Variants in RPGRIP1 observed in about 807,000 individuals in gnomAD.
RPGRIP1 encodes X-linked retinitis pigmentosa GTPase regulator-interacting protein 1.
A neutral mutation model predicts 157.9 loss-of-function variants in RPGRIP1; 128 were observed. The observed-to-expected ratio is 0.81, with a 90% CI of 0.70 to 0.94. The LOEUF is 0.94. Among genes scored for constraint, RPGRIP1 ranks in the 40% least tolerant of loss-of-function variants. The probability of loss-of-function intolerance (pLI) is 0.00; values close to 1 mark genes in which losing one functional copy is unlikely to be tolerated. For missense variants in RPGRIP1, 1,486 were observed against 1,545.8 expected, an observed-to-expected ratio of 0.96 and a Z score of 0.65; for synonymous variants, 554 against 571.6, an observed-to-expected ratio of 0.97 and a Z score of 0.44.
intron 20 of RPGRIP1, among the ~76,000 whole-genome samples, chr14:21,330,677 GA>G (rs1459765431): frequency 6.6e-6 from 1 of 151,742 alleles, no homozygotes; most frequent in South Asian, 2.1e-4. Flanking sequence ...TCAAAAAAAA[GA>G]AAAAAATATA....
At chr14:21,328,190 A>G (rs1205046759) in intron 18 of RPGRIP1, among the ~76,000 whole-genome samples, 1 of 151,946 alleles carries the variant, frequency 6.6e-6, no homozygotes, top group African/African-American at 2.4e-5. Context: ...AGAAAAAGAA[A>G]TTCCCTCTGT....
Position 21,325,300 on chromosome 14 carries a change from C to T in RPGRIP1, c.2284C>T (p.Leu762=), listed in dbSNP as rs145896974. 2.8e-3 allele frequency: 4,595 copies of T among 1,612,554 alleles called. 19 individuals carry two copies. Among genetic ancestry groups the T allele is most frequent in the Middle Eastern group, 9.6e-3 (58 of 6,062 alleles). Residue 762 remains leucine (L), a synonymous_variant, in exon 16 of 25, where the codon CTA becomes TTA. Coordinates refer to ENST00000400017, the MANE Select transcript of RPGRIP1 (RefSeq NM_020366.4). ...GCTGCGTTTCCCCATAAAACCCAGC[C>T]TACAGGCGTGCAATAAACGAAAGAA... The part of the protein sequence containing the change: ...MRLRFPIKPS[L]QACNKRKKAQ...
At chr14:21,313,155 T>C (rs1594185486) in intron 10 of RPGRIP1, among the ~76,000 whole-genome samples, 1 of 151,276 alleles carries the variant, frequency 6.6e-6, no homozygotes, top group Non-Finnish European at 1.5e-5. Context: ...TTTGGGGGGC[T>C]GGGGGGAATC....
Position 21,302,708 on chromosome 14 carries a change from C to T in RPGRIP1, c.587+124C>T, listed in dbSNP as rs1594174847. ...CAGCATGATCAGGGAAGATGAAAGT[C>T]GACCCTAGGTCAAATTCCAACTTCA... On this transcript the variant is annotated intron_variant, in intron 5 of 24. Transcript: ENST00000400017. 8.6e-5 allele frequency: 47 copies of T among 548,554 alleles called. No homozygotes were observed. The East Asian group carries it at 1.4e-3, about 17-fold the overall frequency. 34.0% of individuals were successfully genotyped at this position (548,554 alleles called of 1,614,324 possible). A position where few individuals can be genotyped will look rare whatever the true frequency, so the allele number is the denominator to read the frequency against.
intron 1 of RPGRIP1, among the ~76,000 whole-genome samples, chr14:21,282,479 G>A (rs1880166054): frequency 6.6e-6 from 1 of 151,932 alleles, no homozygotes. Flanking sequence ...CTCATGATCA[G>A]CCCGCCTCAG....
intron 1 of RPGRIP1, among the ~76,000 whole-genome samples, chr14:21,283,804 C>T (rs1169384902): frequency 6.6e-6 from 1 of 151,890 alleles, no homozygotes; most frequent in Non-Finnish European, 1.5e-5. Flanking sequence ...TTACAGGCGC[C>T]TGTCACCATG....
chr14:21,311,535 G>A (rs989031986), intron 8 of RPGRIP1, among the ~76,000 whole-genome samples: 5 of 143,544 alleles, frequency 3.5e-5, no homozygotes, highest in East Asian at 2.1e-4. Flanking sequence ...GCAACAGAGC[G>A]AGACTGTCTC....
intron 2 of RPGRIP1, among the ~76,000 whole-genome samples, chr14:21,289,853 G>A (rs990565689): frequency 1.4e-5 from 2 of 144,312 alleles, no homozygotes; most frequent in African/African-American, 5.2e-5. Context: ...TTACCAGAAT[G>A]TTCATAGCAG....
chr14:21,297,841 C>CTTTA (rs1880852863), intron 3 of RPGRIP1, among the ~76,000 whole-genome samples: 1 of 145,720 alleles, frequency 6.9e-6, no homozygotes, highest in Admixed American at 7.0e-5. Flanking sequence ...ATTATTCTTT[C>CTTTA]TTTCTTTCTT....
chr14:21,283,030 T>C (rs142284570), intron 1 of RPGRIP1, among the ~76,000 whole-genome samples: 35 of 152,328 alleles, frequency 2.3e-4, no homozygotes, highest in African/African-American at 8.4e-4. Context: ...ATTTCATTCT[T>C]AGAGCTTCTG....
At chr14:21,333,378 T>G (rs893382398) in intron 20 of RPGRIP1, among the ~76,000 whole-genome samples, 1 of 152,210 alleles carries the variant, frequency 6.6e-6, no homozygotes, top group East Asian at 1.9e-4. Context: ...ACCTTTTCCC[T>G]TTGAGACCTC....
At chr14:21,310,696 C>A in intron 8 of RPGRIP1, 89 bp downstream of exon 8, 1 of 728,838 alleles carries the variant, frequency 1.4e-6, no homozygotes, top group Non-Finnish European at 2.3e-6. Context: ...TAACATAACA[C>A]CAGAATTTAG....
chr14:21,303,968 A>T (rs189231375), intron 6 of RPGRIP1, among the ~76,000 whole-genome samples: 225 of 149,334 alleles, frequency 1.5e-3, no homozygotes, highest in African/African-American at 5.5e-3. Context: ...AGCCTGGGCA[A>T]CAAGAACAAA....
chr14:21,329,582 A>G (rs534175597), intron 19 of RPGRIP1, among the ~76,000 whole-genome samples: 3 of 146,768 alleles, frequency 2.0e-5, no homozygotes, highest in Non-Finnish European at 4.5e-5. Flanking sequence ...GCTCACTGCA[A>G]CCTCCGCCTC....
Position 21,339,412 on chromosome 14 carries a change from C to T in RPGRIP1, c.3340-3624C>T, listed in dbSNP as rs183845866. Among the ~76,000 whole-genome samples, 390 of 152,230 alleles carry T rather than the reference C, an allele frequency of 2.6e-3. 1 individual carries two copies. The highest frequency in any genetic ancestry group is 8.8e-3 in the African/African-American group (367 of 41,536). On this transcript the variant is annotated intron_variant, in intron 21 of 24. Coordinates refer to ENST00000400017, the MANE Select transcript of RPGRIP1 (RefSeq NM_020366.4). ...AGTGAGCCGAGATGGTTCCCCTGCA[C>T]TCCAGCCTGGTGACAGAGCGAAACT... is the stretch of plus-strand genomic sequence containing the variant.
intron 7 of RPGRIP1, 37 bp downstream of exon 7, chr14:21,307,873 GGGAAA>G: frequency 8.8e-7 from 1 of 1,140,114 alleles, no homozygotes; most frequent in Non-Finnish European, 1.2e-6. Flanking sequence ...TCTTGGTGGG[GGGAAA>G]CCCCAATTAA....
intron 1 of RPGRIP1, 144 bp from the exon 2 acceptor site, chr14:21,287,795 G>A: frequency 2.0e-6 from 1 of 492,028 alleles, no homozygotes; most frequent in Non-Finnish European, 3.7e-6. Flanking sequence ...TTAGTGTAGA[G>A]TTGTCCACAC....
At chr14:21,290,291 C>T (rs576602892) in intron 2 of RPGRIP1, among the ~76,000 whole-genome samples, 7 of 152,302 alleles carry the variant, frequency 4.6e-5, no homozygotes, top group African/African-American at 7.2e-5. Flanking sequence ...CTACCAGCAA[C>T]GTATGATGCT....
At chr14:21,283,281 GATGCTAC>G (rs2139126618) in intron 1 of RPGRIP1, among the ~76,000 whole-genome samples, 1 of 152,110 alleles carries the variant, frequency 6.6e-6, no homozygotes, top group Non-Finnish European at 1.5e-5. Context: ...TAAACCTGTA[GATGCTAC>G]TCTATTTATT....
Sources: gnomAD v4.1 joint callset for allele counts (sites outside exome capture counted in the v4.1 genomes callset) on GRCh38, gnomAD v4.1.1 for gene constraint, MANE v1.5 for transcripts, NCBI Gene and HGNC (gene_info 2026-07-23, HGNC 2026-07-21) for gene names.